Variants in TBC1D22A observed in about 807,000 individuals in gnomAD.
The protein encoded by TBC1D22A is TBC1 domain family member 22A.
A neutral mutation model predicts 60.2 loss-of-function variants in TBC1D22A; 38 were observed. That is an observed-to-expected ratio of 0.63 (90% CI 0.49 to 0.83). TBC1D22A has a LOEUF of 0.83. TBC1D22A is among the 40% of genes least tolerant of loss of function. TBC1D22A has a pLI of 0.00. For synonymous variants in TBC1D22A, 302 were observed against 281.7 expected, an observed-to-expected ratio of 1.07 and a Z score of -0.72; for missense variants, 628 against 701.0, an observed-to-expected ratio of 0.90 and a Z score of 1.18.
Position 47,041,141 on chromosome 22 carries a change from A to G in TBC1D22A, c.1329+3943A>G, listed in dbSNP as rs149581751. ...ATTTTTGGCAGGTGAGTATTGCAAG[A>G]TGACTTCATTTGGCTTAAGGCCTTT... is the stretch of plus-strand genomic sequence containing the variant. On this transcript the variant is annotated intron_variant, in intron 11 of 12. Coordinates refer to ENST00000337137, the MANE Select transcript of TBC1D22A (RefSeq NM_014346.5). Among the ~76,000 whole-genome samples the G allele has an allele frequency of 5.4e-3, 816 of 152,326 alleles. 4 individuals are homozygous for G. The highest frequency in any genetic ancestry group is 8.2e-3 in the Non-Finnish European group (557 of 68,028).
chr22:47,077,893 A>G (rs751220861), intron 11 of TBC1D22A, among the ~76,000 whole-genome samples: 11 of 152,212 alleles, frequency 7.2e-5, no homozygotes, highest in Non-Finnish European at 1.5e-4. Context: ...AAGGATTTGC[A>G]CAGAACTTGG....
intron 12 of TBC1D22A, among the ~76,000 whole-genome samples, chr22:47,156,508 C>T (rs1215490606): frequency 1.3e-5 from 2 of 152,262 alleles, no homozygotes; most frequent in East Asian, 1.9e-4. Flanking sequence ...GGACACCTCA[C>T]AGTTGTTAGA....
At position 47,067,004 on chromosome 22, in the gene TBC1D22A, G is replaced by A. The variant is rs911650029; in HGVS notation, c.1329+29806G>A. Among the ~76,000 whole-genome samples, 15 of 152,164 alleles carry A rather than the reference G, an allele frequency of 9.9e-5. 1 individual carries two copies. The highest frequency in any genetic ancestry group is 2.6e-4 in the Admixed American group (4 of 15,260). On this transcript the variant is annotated intron_variant, in intron 11 of 12. Coordinates refer to ENST00000337137, the MANE Select transcript of TBC1D22A (RefSeq NM_014346.5). ...ATTTTGGCCAGGCGCGGTGGCTCACGCCTGTAATCCCAGCACTTTGGGAGG... is the reference window on the plus strand; with the variant it reads ...ATTTTGGCCAGGCGCGGTGGCTCACACCTGTAATCCCAGCACTTTGGGAGG...
chr22:46,989,665 A>G (rs1179474673), intron 9 of TBC1D22A, among the ~76,000 whole-genome samples: 2 of 152,032 alleles, frequency 1.3e-5, no homozygotes, highest in African/African-American at 4.8e-5. Context: ...AACAATTATG[A>G]TAGTAACATC....
At chr22:47,136,665 C>T (rs565552136) in intron 12 of TBC1D22A, among the ~76,000 whole-genome samples, 1 of 152,326 alleles carries the variant, frequency 6.6e-6, no homozygotes, top group African/African-American at 2.4e-5. Flanking sequence ...GCCCCCTCGT[C>T]CCTAGGGATT....
intron 11 of TBC1D22A, among the ~76,000 whole-genome samples, chr22:47,055,996 A>G (rs1263203896): frequency 1.3e-5 from 2 of 152,134 alleles, no homozygotes; most frequent in Admixed American, 1.3e-4. Flanking sequence ...AGGACTCCCC[A>G]TCATTGGGAC....
intron 5 of TBC1D22A, among the ~76,000 whole-genome samples, chr22:46,883,500 G>T (rs1000342905): frequency 6.6e-6 from 1 of 152,174 alleles, no homozygotes; most frequent in Non-Finnish European, 1.5e-5. Context: ...TCAGGAGCAC[G>T]TGTAGGGTTT....
At chr22:46,903,920 C>A (rs985860508) in intron 7 of TBC1D22A, among the ~76,000 whole-genome samples, 1 of 152,144 alleles carries the variant, frequency 6.6e-6, no homozygotes, top group Non-Finnish European at 1.5e-5. Flanking sequence ...CTGCCGAGTG[C>A]CCCGCTGCCC....
intron 8 of TBC1D22A, among the ~76,000 whole-genome samples, chr22:46,957,423 C>T (rs1278930801): frequency 6.6e-6 from 1 of 152,218 alleles, no homozygotes; most frequent in Non-Finnish European, 1.5e-5. Context: ...CAGGCATCTT[C>T]TTCACAAGGC....
intron 11 of TBC1D22A, among the ~76,000 whole-genome samples, chr22:47,076,686 C>T (rs1325421175): frequency 6.6e-6 from 1 of 152,010 alleles, no homozygotes; most frequent in East Asian, 1.9e-4. Flanking sequence ...CCCTGACCTC[C>T]ATTATTGGTC....
chr22:46,913,400 C>G (rs534393898), intron 8 of TBC1D22A: 23 of 1,366,258 alleles, frequency 1.7e-5, no homozygotes, highest in Non-Finnish European at 2.0e-5. Context: ...GAGCCTTACC[C>G]GAGGACAGAT....
intron 4 of TBC1D22A, among the ~76,000 whole-genome samples, chr22:46,798,409 G>A (rs1029955429): frequency 1.3e-5 from 2 of 152,262 alleles, no homozygotes; most frequent in African/African-American, 4.8e-5. Context: ...GGGCAGGGGT[G>A]AGGCTGGGGC....
chr22:46,949,149 A>G (rs894761603), intron 8 of TBC1D22A, among the ~76,000 whole-genome samples: 7 of 152,178 alleles, frequency 4.6e-5, no homozygotes, highest in African/African-American at 9.7e-5. Context: ...ATTGTGTCGC[A>G]TTTTGCTTCT....
intron 1 of TBC1D22A, among the ~76,000 whole-genome samples, chr22:46,780,910 T>C (rs1317809405): frequency 1.3e-5 from 2 of 152,182 alleles, no homozygotes; most frequent in Non-Finnish European, 2.9e-5. Context: ...TCAGCAAGTA[T>C]TGGATTTTAG....
At chr22:47,093,523 G>A (rs1239530973) in intron 11 of TBC1D22A, among the ~76,000 whole-genome samples, 1 of 152,140 alleles carries the variant, frequency 6.6e-6, no homozygotes, top group Non-Finnish European at 1.5e-5. Context: ...GGAAAGGCTG[G>A]CTAGACCATT....
At chr22:47,124,079 C>T (rs1380013835) in intron 12 of TBC1D22A, among the ~76,000 whole-genome samples, 1 of 152,150 alleles carries the variant, frequency 6.6e-6, no homozygotes, top group Non-Finnish European at 1.5e-5. Context: ...CCGGATTAGG[C>T]CTCCCCGAAG....
At chr22:46,924,859 C>T (rs937171934) in intron 8 of TBC1D22A, among the ~76,000 whole-genome samples, 3 of 152,156 alleles carry the variant, frequency 2.0e-5, no homozygotes, top group African/African-American at 7.2e-5. Flanking sequence ...CATATGGCTC[C>T]TGGAGCTGGA....
intron 10 of TBC1D22A, among the ~76,000 whole-genome samples, chr22:47,031,343 G>A (rs1042952995): frequency 1.3e-5 from 2 of 152,236 alleles, no homozygotes; most frequent in Admixed American, 1.3e-4. Flanking sequence ...GGCAGAAACA[G>A]GCCTTGTCTT....
At chr22:46,947,432 T>C (rs1460844930) in intron 8 of TBC1D22A, among the ~76,000 whole-genome samples, 3 of 152,302 alleles carry the variant, frequency 2.0e-5, no homozygotes, top group Non-Finnish European at 4.4e-5. Flanking sequence ...GTTGGACGTT[T>C]GAGACCCTTC....
Sources: allele counts gnomAD v4.1 joint callset (sites outside exome capture counted in the v4.1 genomes callset), GRCh38; gene constraint gnomAD v4.1.1; transcripts MANE v1.5; gene names NCBI Gene and HGNC (gene_info 2026-07-23, HGNC 2026-07-21).